Variants in APP observed in about 807,000 individuals in gnomAD.
APP encodes amyloid-beta precursor protein.
In APP, 31 loss-of-function variants were observed where a neutral mutation model predicts 101.4. That is an observed-to-expected ratio of 0.31 (90% CI 0.23 to 0.41). APP has a LOEUF of 0.41. Among genes scored for constraint, APP ranks in the 10% least tolerant of loss-of-function variants. The pLI is 1.00. For synonymous variants in APP, 366 were observed against 364.4 expected, an observed-to-expected ratio of 1.00 and a Z score of -0.05; for missense variants, 839 against 1,003.7, an observed-to-expected ratio of 0.84 and a Z score of 2.22.
At chr21:25,918,253 C>T (rs1174340013) in intron 13 of APP, among the ~76,000 whole-genome samples, 3 of 152,168 alleles carry the variant, frequency 2.0e-5, no homozygotes, top group African/African-American at 7.2e-5. Flanking sequence ...GCACTATTTA[C>T]AATAGCAAAG....
intron 1 of APP, among the ~76,000 whole-genome samples, chr21:26,122,143 A>G (rs1210986351): frequency 6.6e-6 from 1 of 152,184 alleles, no homozygotes; most frequent in Non-Finnish European, 1.5e-5. Flanking sequence ...CTATTTTCCT[A>G]TACAGTTTCT....
intron 3 of APP, among the ~76,000 whole-genome samples, chr21:26,086,679 T>C (rs1425918360): frequency 1.3e-5 from 2 of 152,194 alleles, no homozygotes; most frequent in Non-Finnish European, 2.9e-5. Context: ...TATGTAAGAA[T>C]GTTACCTACT....
intron 3 of APP, among the ~76,000 whole-genome samples, chr21:26,077,173 T>C (rs760389664): frequency 6.6e-5 from 10 of 152,150 alleles, no homozygotes; most frequent in Non-Finnish European, 1.3e-4. Context: ...GCCTCCTTGA[T>C]CGATTTCTCC....
intron 1 of APP, among the ~76,000 whole-genome samples, chr21:26,167,963 C>T (rs2063653858): frequency 6.6e-6 from 1 of 152,158 alleles, no homozygotes; most frequent in Admixed American, 6.5e-5. Context: ...CGGCTTCTAC[C>T]TTTAGCGAGG....
chr21:26,090,047 T>G lies in APP; in HGVS notation c.251A>C (p.Asn84Thr). The G allele has an allele frequency of 1.9e-6, 3 of 1,614,136 alleles. No homozygotes were observed. Among genetic ancestry groups the G allele is most frequent in the South Asian group, 2.2e-5 (2 of 91,090 alleles). Residue 84 changes from asparagine to threonine, a missense_variant, in exon 3 of 18, where the codon AAT becomes ACT. Coordinates refer to ENST00000346798, the MANE Select transcript of APP (RefSeq NM_000484.4). ...CACTGGTTGGTTGGCTTCTACCACA[T>G]TGGTGATCTGCAGTTCAGGGTAGAC... ...QEVYPELQIT[N>T]VVEANQPVTI...
intron 11 of APP, among the ~76,000 whole-genome samples, chr21:25,968,553 T>G (rs2041885334): frequency 6.6e-6 from 1 of 152,162 alleles, no homozygotes; most frequent in African/African-American, 2.4e-5. Context: ...TCAGTGTATT[T>G]GCCTATAGGT....
chr21:26,150,626 T>TAGATAGATAGATAGATAGAC (rs370206066), intron 1 of APP, among the ~76,000 whole-genome samples: 3,364 of 149,816 alleles, frequency 0.022, 78 homozygotes, highest in East Asian at 0.12. Context: ...GACAGATAGA[T>TAGATAGATAGATAGATAGAC]AGACAGACAG....
At chr21:26,001,565 C>A (rs1031903041) in intron 6 of APP, among the ~76,000 whole-genome samples, 1 of 152,246 alleles carries the variant, frequency 6.6e-6, no homozygotes, top group Non-Finnish European at 1.5e-5. Flanking sequence ...GTGGCACAAT[C>A]TTGGCTCACT....
intron 11 of APP, among the ~76,000 whole-genome samples, chr21:25,960,865 T>C (rs1442469446): frequency 6.6e-6 from 1 of 152,200 alleles, no homozygotes; most frequent in Non-Finnish European, 1.5e-5. Context: ...TTTGGCCACC[T>C]AAACACATCT....
At chr21:25,933,618 A>T (rs1176629039) in intron 13 of APP, among the ~76,000 whole-genome samples, 3 of 152,218 alleles carry the variant, frequency 2.0e-5, no homozygotes, top group African/African-American at 7.2e-5. Context: ...ACAACAAATT[A>T]AAAAATGATT....
intron 13 of APP, among the ~76,000 whole-genome samples, chr21:25,948,177 G>A (rs796707682): frequency 8.8e-6 from 1 of 113,518 alleles, no homozygotes; most frequent in Non-Finnish European, 2.0e-5. Flanking sequence ...TTTTTTTGAT[G>A]TTCATCCTTG....
rs369507985 is a variant in APP at position 26,098,681 on chromosome 21, T to C, written c.226-8609A>G. Among the ~76,000 whole-genome samples, 54 of 152,350 alleles carry C rather than the reference T, an allele frequency of 3.5e-4. No individual in the cohort carries two copies. The East Asian group carries it at 7.3e-3, about 21-fold the overall frequency. On this transcript the variant is annotated intron_variant, in intron 2 of 17. Coordinates refer to ENST00000346798, the MANE Select transcript of APP (RefSeq NM_000484.4). ...AAGTTAATGAACAGAGTAAATGGAA[T>C]TGGAAATTGCTACTAATTCTGAAAA... is the stretch of plus-strand genomic sequence containing the variant.
rs1022748443 is a variant in APP at position 26,058,998 on chromosome 21, G to A, written c.356-5650C>T. Reference sequence around the variant, plus strand: ...CGGGAGGCTGAGGCAGGAGAATGGCGTGAACCCGGGAGGCGGAGCTTGCAG... The same window carrying A: ...CGGGAGGCTGAGGCAGGAGAATGGCATGAACCCGGGAGGCGGAGCTTGCAG... On this transcript the variant is annotated intron_variant, in intron 3 of 17. Transcript: ENST00000346798. Among the ~76,000 whole-genome samples the A allele has an allele frequency of 5.9e-5, 9 of 151,610 alleles. No homozygotes were observed. In the East Asian group the frequency reaches 7.8e-4, roughly 13 times the overall value.
chr21:26,084,717 A>T (rs2061669415), intron 3 of APP, among the ~76,000 whole-genome samples: 1 of 152,248 alleles, frequency 6.6e-6, no homozygotes, highest in South Asian at 2.1e-4. Flanking sequence ...ATTAAGGAAG[A>T]TCAAGAATCT....
chr21:26,002,611 T>A (rs2043348079), intron 6 of APP, among the ~76,000 whole-genome samples: 1 of 152,200 alleles, frequency 6.6e-6, no homozygotes, highest in African/African-American at 2.4e-5. Context: ...CAGCAGTGCC[T>A]CCAGAGCCTG....
chr21:26,094,464 C>A (rs1185930542), intron 2 of APP, among the ~76,000 whole-genome samples: 1 of 151,676 alleles, frequency 6.6e-6, no homozygotes, highest in Non-Finnish European at 1.5e-5. Flanking sequence ...AAAATTCCAA[C>A]AAAAATTCCC....
chr21:25,997,292 C>T (rs1381116062), intron 8 of APP, 68 bp downstream of exon 8: 28 of 1,427,238 alleles, frequency 2.0e-5, no homozygotes, highest in Non-Finnish European at 2.7e-5. Context: ...GGTGATGATG[C>T]TGGAGTTATG....
intron 3 of APP, among the ~76,000 whole-genome samples, chr21:26,083,423 A>G (rs764029695): frequency 1.3e-5 from 2 of 152,272 alleles, no homozygotes; most frequent in Non-Finnish European, 2.9e-5. Flanking sequence ...AAAGCAAGTC[A>G]CAAAACAGGA....
chr21:26,052,428 C>A (rs2045874579), intron 4 of APP, among the ~76,000 whole-genome samples: 1 of 151,620 alleles, frequency 6.6e-6, no homozygotes, highest in East Asian at 1.9e-4. Flanking sequence ...GATAAAGGAG[C>A]CTAATTCTAG....
Sources: gnomAD v4.1 joint callset for allele counts (sites outside exome capture counted in the v4.1 genomes callset) on GRCh38, gnomAD v4.1.1 for gene constraint, MANE v1.5 for transcripts, NCBI Gene and HGNC (gene_info 2026-07-23, HGNC 2026-07-21) for gene names.